Variants in SCGN observed in about 807,000 individuals in gnomAD.
The protein encoded by SCGN is secretagogin, EF-hand calcium binding protein, also known as secretagogin.
SCGN carries 30 observed loss-of-function variants against 39.7 expected under a neutral mutation model. The observed-to-expected ratio is 0.76, with a 90% CI of 0.57 to 1.03. The LOEUF (loss-of-function observed/expected upper bound fraction) is 1.03. Ranked by LOEUF, SCGN falls within the 50% of genes least tolerant of loss-of-function variation. The pLI is 0.00. For synonymous variants in SCGN, 106 were observed against 114.1 expected (o/e 0.93, Z 0.45); for missense variants, 353 against 349.4 (o/e 1.01, Z -0.08).
intron 2 of SCGN, among the ~76,000 whole-genome samples, chr6:25,658,103 G>A (rs1181604544): frequency 3.2e-5 from 4 of 124,066 alleles, no homozygotes; most frequent in Non-Finnish European, 4.7e-5. Context: ...GCAGTGGTGC[G>A]ATCTTGGCTC....
intron 6 of SCGN, 81 bp downstream of exon 6, chr6:25,670,157 A>C: frequency 1.0e-6 from 1 of 973,916 alleles, no homozygotes; most frequent in Non-Finnish European, 1.6e-6. Context: ...TCTGCTAGAG[A>C]GTTCGTCCTT....
chr6:25,693,033 T>A (rs1340756149), intron 10 of SCGN, among the ~76,000 whole-genome samples: 1 of 152,232 alleles, frequency 6.6e-6, no homozygotes, highest in Non-Finnish European at 1.5e-5. Flanking sequence ...TGTCTTCTCA[T>A]CCATTATATG....
intron 6 of SCGN, among the ~76,000 whole-genome samples, chr6:25,681,326 T>C (rs1759634646): frequency 6.6e-6 from 1 of 152,172 alleles, no homozygotes; most frequent in Non-Finnish European, 1.5e-5. Flanking sequence ...CTCCAAGCCC[T>C]CCTTGGTGGT....
intron 10 of SCGN, among the ~76,000 whole-genome samples, chr6:25,698,184 C>T (rs1759862622): frequency 6.6e-6 from 1 of 152,122 alleles, no homozygotes; most frequent in Admixed American, 6.5e-5. Flanking sequence ...TATTGAGTTG[C>T]CCAATATTAA....
chr6:25,668,547 T>A (rs1475866397), intron 4 of SCGN, among the ~76,000 whole-genome samples: 1 of 152,208 alleles, frequency 6.6e-6, no homozygotes, highest in Non-Finnish European at 1.5e-5. Flanking sequence ...TTTTTTAAAG[T>A]TCATCTTTCA....
intron 4 of SCGN, among the ~76,000 whole-genome samples, chr6:25,666,331 A>C (rs1020583991): frequency 1.3e-5 from 2 of 152,116 alleles, no homozygotes; most frequent in African/African-American, 4.8e-5. Flanking sequence ...CTCCAGCCTC[A>C]GTGACAAGAG....
At chr6:25,653,928 A>G (rs1760179639) in intron 2 of SCGN, among the ~76,000 whole-genome samples, 1 of 152,242 alleles carries the variant, frequency 6.6e-6, no homozygotes, top group African/African-American at 2.4e-5. Context: ...CAGATTTTTC[A>G]GGGAATGACA....
intron 4 of SCGN, 131 bp downstream of exon 4, chr6:25,665,163 C>CA (rs1158694024): frequency 3.7e-5 from 24 of 643,060 alleles, no homozygotes; most frequent in African/African-American, 2.4e-4. Flanking sequence ...TAAGACCAAG[C>CA]AAAAAATGCC....
At chr6:25,665,329 G>A (rs938179221) in intron 4 of SCGN, among the ~76,000 whole-genome samples, 34 of 152,186 alleles carry the variant, frequency 2.2e-4, no homozygotes, top group African/African-American at 8.2e-4. Flanking sequence ...GGGAGGTGGG[G>A]GACTATGGAA....
In SCGN at chr6:25,682,031, T is replaced by C. The variant is rs1252526594; in HGVS notation, c.527+25T>C. 7 of 1,562,210 alleles carry C rather than the reference T, an allele frequency of 4.5e-6. No individual in the cohort carries two copies. In the African/African-American group the frequency reaches 6.7e-5, roughly 15 times the overall value. ...GGTGAGTTACATGGAAATGATATCA[T>C]ACATTCAGAAATACCTTACTAGGGG... On this transcript the variant is annotated intron_variant, in intron 7 of 10. Coordinates refer to ENST00000377961, the MANE Select transcript of SCGN (RefSeq NM_006998.4).
At position 25,652,249 on chromosome 6, in the gene SCGN, G is replaced by A. The variant is rs1760146096; in HGVS notation, c.-155G>A. 2 of 640,660 alleles carry A rather than the reference G, an allele frequency of 3.1e-6. No homozygotes were observed. Among genetic ancestry groups the A allele is most frequent in the Non-Finnish European group, 2.7e-6 (1 of 366,450 alleles). 39.7% of individuals were successfully genotyped at this position (640,660 alleles called of 1,614,324 possible). A position where few individuals can be genotyped will look rare whatever the true frequency, so the allele number is the denominator to read the frequency against. ...TGAGGGACGGCTCAGCGACGCCACG[G>A]CCAGCAGCGCTCGCGTCCTCCCCAG... On this transcript the variant is annotated 5_prime_UTR_variant, in exon 1 of 11. Transcript: ENST00000377961.
intron 4 of SCGN, among the ~76,000 whole-genome samples, chr6:25,668,924 A>T (rs1759446511): frequency 6.6e-6 from 1 of 152,142 alleles, no homozygotes; most frequent in Non-Finnish European, 1.5e-5. Flanking sequence ...ATCCTGGCTA[A>T]CACGGTGAAA....
At chr6:25,692,413 G>T (rs1016428688) in intron 10 of SCGN, among the ~76,000 whole-genome samples, 1 of 152,196 alleles carries the variant, frequency 6.6e-6, no homozygotes, top group Non-Finnish European at 1.5e-5. Context: ...GACTGCCTGA[G>T]TGTAGAGCCT....
At chr6:25,661,419 T>G in intron 2 of SCGN, 133 bp from the exon 3 acceptor site, 1 of 620,300 alleles carries the variant, frequency 1.6e-6, no homozygotes, top group East Asian at 2.9e-5. Flanking sequence ...AAAATCACTT[T>G]AAATGGTCAA....
intron 6 of SCGN, among the ~76,000 whole-genome samples, chr6:25,680,721 T>C (rs1447304813): frequency 6.6e-6 from 1 of 152,210 alleles, no homozygotes; most frequent in Non-Finnish European, 1.5e-5. Context: ...TTTTACTGGA[T>C]ACTGTATAGT....
At chr6:25,656,658 C>T (rs750705391) in intron 2 of SCGN, among the ~76,000 whole-genome samples, 13 of 152,146 alleles carry the variant, frequency 8.5e-5, no homozygotes, top group East Asian at 1.9e-4. Flanking sequence ...TGTAGCCTAG[C>T]GTCTCAGATA....
intron 10 of SCGN, among the ~76,000 whole-genome samples, chr6:25,699,928 AG>A (rs1219939373): frequency 6.6e-6 from 1 of 152,080 alleles, no homozygotes; most frequent in Non-Finnish European, 1.5e-5. Flanking sequence ...TAGTCAAAAA[AG>A]GGCCACTTGG....
intron 4 of SCGN, among the ~76,000 whole-genome samples, chr6:25,667,299 T>TATAC (rs1285373749): frequency 6.6e-6 from 1 of 152,214 alleles, no homozygotes; most frequent in Non-Finnish European, 1.5e-5. Context: ...CCTGCCTTTG[T>TATAC]AGTTTGTCAA....
intron 4 of SCGN, among the ~76,000 whole-genome samples, chr6:25,667,115 T>G (rs1025226982): frequency 6.6e-6 from 1 of 152,186 alleles, no homozygotes; most frequent in Admixed American, 6.5e-5. Context: ...TTTTTTCTTT[T>G]TGTATTTCAT....
Sources: allele counts gnomAD v4.1 joint callset (sites outside exome capture counted in the v4.1 genomes callset), GRCh38; gene constraint gnomAD v4.1.1; transcripts MANE v1.5; gene names NCBI Gene and HGNC (gene_info 2026-07-23, HGNC 2026-07-21).